Variants in HERPUD1 observed in about 807,000 individuals in gnomAD.
HERPUD1 encodes the protein homocysteine inducible ER protein with ubiquitin like domain 1.
Under a neutral mutation model 45.0 loss-of-function variants are expected in HERPUD1, and 17 were observed. The ratio of observed to expected loss-of-function variants is 0.38; its 90% CI spans 0.26 to 0.57. The LOEUF (loss-of-function observed/expected upper bound fraction) is 0.57. Among genes scored for constraint, HERPUD1 ranks in the 20% least tolerant of loss-of-function variants. HERPUD1 has a pLI of 0.72. For missense variants in HERPUD1, 420 were observed against 490.5 expected (o/e 0.86, Z 1.36); for synonymous variants, 164 against 177.5 (o/e 0.92, Z 0.61).
intron 4 of HERPUD1, among the ~76,000 whole-genome samples, chr16:56,938,292 G>C (rs1366058414): frequency 1.3e-5 from 2 of 152,028 alleles, no homozygotes; most frequent in African/African-American, 2.4e-5. Context: ...GGCCGGGCGC[G>C]GTGGCTCACA....
rs869088050 is a variant in HERPUD1, at chr16:56,934,702, C to CTTTTTTTTTTTTTTTTT, written c.148-522_148-506dup. On this transcript the variant is annotated intron_variant, in intron 1 of 7. Coordinates refer to ENST00000439977, the MANE Select transcript of HERPUD1 (RefSeq NM_014685.4). ...TTTGGACTGGAGATAATTTGCCATT[C>CTTTTTTTTTTTTTTTTT]TTTTTTTTTTTTTTTTTTTTTTTTT... Among the ~76,000 whole-genome samples the CTTTTTTTTTTTTTTTTT allele has an allele frequency of 1.0e-3, 60 of 59,908 alleles. 15 individuals are homozygous for CTTTTTTTTTTTTTTTTT. Among genetic ancestry groups the CTTTTTTTTTTTTTTTTT allele is most frequent in the Non-Finnish European group, 1.2e-3 (40 of 32,552 alleles). 39.3% of individuals were successfully genotyped at this position (59,908 alleles called of 152,430 possible). A position where few individuals can be genotyped will look rare whatever the true frequency, so the allele number is the denominator to read the frequency against.
intron 1 of HERPUD1, 49 bp downstream of exon 1, chr16:56,932,440 C>G: frequency 1.4e-6 from 2 of 1,449,708 alleles, no homozygotes; most frequent in South Asian, 2.7e-5. Context: ...CCCCCGCCCT[C>G]TGCTGGGGAT....
intron 1 of HERPUD1, among the ~76,000 whole-genome samples, chr16:56,932,766 G>A (rs1224940127): frequency 2.0e-5 from 3 of 152,230 alleles, no homozygotes; most frequent in Admixed American, 2.0e-4. Flanking sequence ...AGAGGAGCGG[G>A]CAGGTGCCAC....
At chr16:56,935,141 T>C in intron 1 of HERPUD1, 94 bp from the exon 2 acceptor site, 1 of 811,506 alleles carries the variant, frequency 1.2e-6, no homozygotes, top group South Asian at 1.5e-5. Flanking sequence ...GAAACACACA[T>C]ATTCAAATTA....
In HERPUD1 at chr16:56,932,411, C is replaced by T. The variant is rs2055832918; in HGVS notation, c.147+20C>T. 1.3e-6 allele frequency: 2 copies of T among 1,550,086 alleles called. No individual in the cohort carries two copies. The highest frequency in any genetic ancestry group is 2.4e-5 in the East Asian group (1 of 42,358). On this transcript the variant is annotated intron_variant, in intron 1 of 7. Coordinates refer to ENST00000439977, the MANE Select transcript of HERPUD1 (RefSeq NM_014685.4). Reference sequence around the variant, plus strand: ...CGTCCGGTGAGAGCGGCCCCGACTTCCCGCCCCTAGGCTGTGGCCCCCCGC... The same window carrying T: ...CGTCCGGTGAGAGCGGCCCCGACTTTCCGCCCCTAGGCTGTGGCCCCCCGC...
At chr16:56,935,086 T>C (rs2055855675) in intron 1 of HERPUD1, 149 bp from the exon 2 acceptor site, 1 of 618,600 alleles carries the variant, frequency 1.6e-6, no homozygotes, top group Non-Finnish European at 2.9e-6. Context: ...ATAGAAGTCT[T>C]GTATATGGGG....
At position 56,932,265 on chromosome 16, in the gene HERPUD1, C is replaced by T. The variant is rs1252957227; in HGVS notation, c.21C>T (p.Pro7=). ...CCGCCATGGAGTCCGAGACCGAACC[C>T]GAGCCCGTCACGCTCCTGGTGAAGA... MESETE[P]EPVTLLVKSP... Residue 7 remains proline (P), a synonymous_variant, in exon 1 of 8, where the codon CCC becomes CCT. Transcript: ENST00000439977. 1.2e-6 allele frequency: 2 copies of T among 1,608,772 alleles called. No homozygotes were observed. Among genetic ancestry groups the T allele is most frequent in the African/African-American group, 1.3e-5 (1 of 74,918 alleles).
At chr16:56,932,920 G>T (rs2055838673) in intron 1 of HERPUD1, among the ~76,000 whole-genome samples, 2 of 152,216 alleles carry the variant, frequency 1.3e-5, no homozygotes, top group African/African-American at 4.8e-5. Context: ...AGCAGCCATT[G>T]CCGAGTCCCG....
intron 5 of HERPUD1, 65 bp downstream of exon 5, chr16:56,939,424 T>C (rs2055892354): frequency 6.3e-7 from 1 of 1,595,278 alleles, no homozygotes; most frequent in Non-Finnish European, 8.6e-7. Context: ...ATTTTATCCA[T>C]GTTACCTGTA....
chr16:56,940,315 TG>T (rs2055900015), intron 6 of HERPUD1, 70 bp downstream of exon 6: 3 of 1,164,624 alleles, frequency 2.6e-6, no homozygotes, highest in Non-Finnish European at 1.2e-6. Flanking sequence ...TTGCTCTTTT[TG>T]TTTCTTGTTT....
intron 4 of HERPUD1, chr16:56,939,009 G>A: frequency 1.7e-6 from 1 of 573,014 alleles, no homozygotes. Flanking sequence ...CAGGTGGCAA[G>A]GGCTGTTGTT....
In HERPUD1 at chr16:56,943,114, C is replaced by A; in HGVS notation, c.1012-12C>A. 1 of 1,611,848 alleles carries A rather than the reference C, an allele frequency of 6.2e-7. No individual in the cohort carries two copies. On this transcript the variant is annotated splice_polypyrimidine_tract_variant and intron_variant, in intron 7 of 7. Transcript: ENST00000439977. ...TCATTGTTTCATTACCTCATTGTTTCATTACCTGTAGGAAGGCACTGATCC... is the reference window on the plus strand; with the variant it reads ...TCATTGTTTCATTACCTCATTGTTTAATTACCTGTAGGAAGGCACTGATCC...
chr16:56,935,444 G>T lies in HERPUD1; in HGVS notation c.269G>T (p.Ser90Ile). Reference sequence around the variant, plus strand: ...TTGCATCTGGTGTGCAATGTGAAGAGTCCTTCAAAAATGCCAGAAATCAAC... The same window carrying T: ...TTGCATCTGGTGTGCAATGTGAAGATTCCTTCAAAAATGCCAGAAATCAAC... Reference protein sequence around the residue: ...HVLHLVCNVKSPSKMPEINAK... With the variant: ...HVLHLVCNVKIPSKMPEINAK... The change falls in exon 3 of 8, where the codon AGT becomes ATT. Residue 90 changes from serine to isoleucine, a missense_variant. Physicochemically the swap from Ser to Ile is moderately radical, Grantham distance 142 (BLOSUM62 -2). Transcript: ENST00000439977. The T allele has an allele frequency of 6.2e-7, 1 of 1,614,178 alleles. No homozygotes were observed. Among genetic ancestry groups the T allele is most frequent in the Non-Finnish European group, 8.5e-7 (1 of 1,180,022 alleles).
chr16:56,934,562 G>T (rs1023905542), intron 1 of HERPUD1, among the ~76,000 whole-genome samples: 1 of 152,160 alleles, frequency 6.6e-6, no homozygotes, highest in East Asian at 1.9e-4. Context: ...GTTAAGGCTG[G>T]CCTTGGGAGT....
At position 56,932,610 on chromosome 16, in the gene HERPUD1, G is replaced by C. The variant is rs377104616; in HGVS notation, c.147+219G>C. On this transcript the variant is annotated intron_variant, in intron 1 of 7. Coordinates refer to ENST00000439977, the MANE Select transcript of HERPUD1 (RefSeq NM_014685.4). The stretch of plus-strand genomic sequence containing the variant: ...CGTCAGTAATCAGCAGCCTGACCTT[G>C]GGCGAGTCATTTCACCCTCCAAGCC... Among the ~76,000 whole-genome samples, 3 of 152,376 alleles carry C rather than the reference G, an allele frequency of 2.0e-5. No homozygotes were observed. In the East Asian group the frequency reaches 5.8e-4, roughly 29 times the overall value.
chr16:56,941,398 C>T (rs1186030634), intron 6 of HERPUD1: 2 of 152,230 alleles, frequency 1.3e-5, no homozygotes, highest in South Asian at 2.1e-4. Context: ...GGGAAGTGGT[C>T]CTGCTGGCGT....
chr16:56,933,577 G>C (rs1596976431), intron 1 of HERPUD1, among the ~76,000 whole-genome samples: 1 of 152,146 alleles, frequency 6.6e-6, no homozygotes, highest in Non-Finnish European at 1.5e-5. Flanking sequence ...GAGGAATGCC[G>C]CTCCCATCTG....
rs1157516846 is a variant in HERPUD1, at chr16:56,944,172, C to T, written c.*882C>T. 1 of 152,442 alleles carries T rather than the reference C, an allele frequency of 6.6e-6. No homozygotes were observed. Among genetic ancestry groups the T allele is most frequent in the South Asian group, 2.1e-4 (1 of 4,828 alleles). 9.4% of individuals were successfully genotyped at this position (152,442 alleles called of 1,614,324 possible). A position where few individuals can be genotyped will look rare whatever the true frequency, so the allele number is the denominator to read the frequency against. On this transcript the variant is annotated 3_prime_UTR_variant, in exon 8 of 8. Transcript: ENST00000439977. ...CCACCTCCTGCCTCAGCCACCCTGG[C>T]AGCTGGGACTACAGGCATGCGCCAT...
Position 56,943,156 on chromosome 16 carries a change from A to G in HERPUD1, c.1042A>G (p.Asn348Asp), listed in dbSNP as rs1567462388. 1 of 1,614,156 alleles carries G rather than the reference A, an allele frequency of 6.2e-7. No individual in the cohort carries two copies. The highest frequency in any genetic ancestry group is 8.5e-7 in the Non-Finnish European group (1 of 1,180,028). ...CACTGATCCTGAAACTGAAGACCCC[A>G]ACCACCTCCCTCCAGACAGGGATGT... ...EGTDPETEDP[N>D]HLPPDRDVLD... The change falls in exon 8 of 8, where the codon AAC becomes GAC. Residue 348 changes from asparagine (N) to aspartate (D), a missense_variant. By Grantham distance (23) the Asn-to-Asp change is conservative. Transcript: ENST00000439977.
Sources: allele counts gnomAD v4.1 joint callset (sites outside exome capture counted in the v4.1 genomes callset), GRCh38; gene constraint gnomAD v4.1.1; transcripts MANE v1.5; gene names NCBI Gene and HGNC (gene_info 2026-07-23, HGNC 2026-07-21).